Variants in ERICH1 observed in about 807,000 individuals in gnomAD.
ERICH1 encodes the protein glutamate-rich protein 1.
ERICH1 carries 56 observed loss-of-function variants against 39.6 expected under a neutral mutation model. The ratio of observed to expected loss-of-function variants is 1.41; its 90% CI spans 1.14 to 1.77. The LOEUF is 1.77. Ranked by LOEUF, ERICH1 falls within the 40% of genes most tolerant of loss-of-function variation. The probability of loss-of-function intolerance (pLI) is 0.00; values close to 1 mark genes in which losing one functional copy is unlikely to be tolerated. For synonymous variants in ERICH1, 313 were observed against 223.6 expected (o/e 1.40, Z -3.57); for missense variants, 826 against 575.4 (o/e 1.44, Z -4.45).
chr8:704,752 T>G (rs975321467), intron 2 of ERICH1, among the ~76,000 whole-genome samples: 3 of 151,758 alleles, frequency 2.0e-5, no homozygotes, highest in Non-Finnish European at 4.4e-5. Context: ...CTTCCCTCCC[T>G]GCCAAAAAAG....
intron 2 of ERICH1, among the ~76,000 whole-genome samples, chr8:701,970 G>A (rs978492043): frequency 3.3e-5 from 5 of 151,440 alleles, no homozygotes; most frequent in African/African-American, 4.9e-5. Context: ...GGCGCTACTC[G>A]GGAGGCTGAG....
At chr8:685,952 C>CTGGCCAACA (rs71202645) in intron 3 of ERICH1, among the ~76,000 whole-genome samples, 11,302 of 150,424 alleles carry the variant, frequency 0.075, 558 homozygotes, top group African/African-American at 0.13. Context: ...CGAGACCAGC[C>CTGGCCAACA]TGGCCAACAT....
At chr8:689,390 C>A (rs947299642) in intron 3 of ERICH1, among the ~76,000 whole-genome samples, 7 of 152,228 alleles carry the variant, frequency 4.6e-5, no homozygotes, top group African/African-American at 1.4e-4. Context: ...GAATTACAGG[C>A]GTGAGCCACT....
chr8:731,124 C>A lies in ERICH1; in HGVS notation c.22+16G>T, dbSNP rs974577306. On this transcript the variant is annotated intron_variant, in intron 1 of 5. Coordinates refer to ENST00000262109, the MANE Select transcript of ERICH1 (RefSeq NM_207332.3). Reference sequence around the variant, plus strand: ...GGTCTGGGGTCTGGGCAGGCCTCCGCACCGCACCCACCTACCGTGCTTCCT... The same window carrying A: ...GGTCTGGGGTCTGGGCAGGCCTCCGAACCGCACCCACCTACCGTGCTTCCT... 1 of 1,513,104 alleles carries A rather than the reference C, an allele frequency of 6.6e-7. No homozygotes were observed. Among genetic ancestry groups the A allele is most frequent in the Non-Finnish European group, 8.8e-7 (1 of 1,132,434 alleles). 93.7% of individuals were successfully genotyped at this position (1,513,104 alleles called of 1,614,324 possible). A position where few individuals can be genotyped will look rare whatever the true frequency, so the allele number is the denominator to read the frequency against.
intron 3 of ERICH1, among the ~76,000 whole-genome samples, chr8:679,799 A>G (rs1489181711): frequency 6.6e-6 from 1 of 152,216 alleles, no homozygotes; most frequent in Non-Finnish European, 1.5e-5. Context: ...CAGGGAGACA[A>G]CGTGTGCAAG....
chr8:695,398 A>C (rs924721444), intron 2 of ERICH1, among the ~76,000 whole-genome samples: 1 of 152,020 alleles, frequency 6.6e-6, no homozygotes, highest in Non-Finnish European at 1.5e-5. Context: ...CTGTGAGCAA[A>C]ACCTGCATCT....
chr8:637,259 G>A (rs1029920356), intron 3 of ERICH1, among the ~76,000 whole-genome samples: 14 of 152,172 alleles, frequency 9.2e-5, no homozygotes, highest in Middle Eastern at 3.2e-3. Context: ...CCTCGTCCCC[G>A]GCATCCTGCA....
In ERICH1 at chr8:716,044, G is replaced by C. The variant is rs199616348; in HGVS notation, c.23-37C>G. ...ACCGATTAAAAGAAAAGGAGGAAAA[G>C]GAATGAATTATGCAGTTTATCTGAA... On this transcript the variant is annotated intron_variant, in intron 1 of 5. Transcript: ENST00000262109. 1.4e-3 allele frequency: 2,186 copies of C among 1,565,316 alleles called. 2 individuals are homozygous for C. The highest frequency in any genetic ancestry group is 2.2e-3 in the South Asian group (180 of 83,008).
At chr8:643,010 T>TC (rs2117244647) in intron 3 of ERICH1, among the ~76,000 whole-genome samples, 1 of 152,256 alleles carries the variant, frequency 6.6e-6, no homozygotes, top group Admixed American at 6.5e-5. Context: ...ACTGCGGGTT[T>TC]TGCTGGGCCC....
intron 3 of ERICH1, among the ~76,000 whole-genome samples, chr8:682,578 G>T (rs578227815): frequency 6.6e-6 from 1 of 152,360 alleles, no homozygotes; most frequent in Non-Finnish European, 1.5e-5. Context: ...TGAAAGCGAT[G>T]TGAGGGAACC....
intron 3 of ERICH1, among the ~76,000 whole-genome samples, chr8:623,185 A>C (rs1797393826): frequency 6.6e-6 from 1 of 152,186 alleles, no homozygotes; most frequent in African/African-American, 2.4e-5. Flanking sequence ...AACAATGCAT[A>C]AATGGAATTA....
rs142527553 is a variant in ERICH1, at chr8:673,133, T to C, written c.1063+156A>G. Among the ~76,000 whole-genome samples the C allele has an allele frequency of 1.5e-3, 226 of 152,212 alleles. 1 individual carries two copies. The highest frequency in any genetic ancestry group is 5.2e-3 in the African/African-American group (216 of 41,430). On this transcript the variant is annotated intron_variant, in intron 4 of 5. Transcript: ENST00000262109. ...TTTGCCTTATAACTAATTATTTACA[T>C]TGAATATTTTTTACTTATATTAGTT...
intron 2 of ERICH1, among the ~76,000 whole-genome samples, chr8:713,040 A>C (rs985320510): frequency 3.1e-4 from 47 of 152,350 alleles, no homozygotes; most frequent in African/African-American, 1.1e-3. Flanking sequence ...TCATAGTCTC[A>C]GCAGGGCTGG....
chr8:655,999 G>A (rs779375267), intron 3 of ERICH1, among the ~76,000 whole-genome samples: 20 of 151,962 alleles, frequency 1.3e-4, no homozygotes, highest in African/African-American at 1.9e-4. Context: ...TTCAGCCTCC[G>A]CAGATGCTGC....
intron 2 of ERICH1, among the ~76,000 whole-genome samples, chr8:705,369 G>T (rs1265352105): frequency 1.3e-5 from 2 of 152,150 alleles, no homozygotes; most frequent in African/African-American, 2.4e-5. Flanking sequence ...GTTTTTTATT[G>T]TGATTTCATC....
At chr8:631,433 A>G (rs778369861) in intron 3 of ERICH1, among the ~76,000 whole-genome samples, 4 of 151,978 alleles carry the variant, frequency 2.6e-5, no homozygotes, top group Non-Finnish European at 5.9e-5. Flanking sequence ...GCGGGTGAGG[A>G]TGGGGGGATG....
chr8:653,568 C>G (rs1168650041), intron 3 of ERICH1, among the ~76,000 whole-genome samples: 1 of 152,224 alleles, frequency 6.6e-6, no homozygotes, highest in Non-Finnish European at 1.5e-5. Flanking sequence ...CCTGGAGTCT[C>G]TCTGAATCTG....
chr8:687,030 G>T (rs547966401), intron 3 of ERICH1, among the ~76,000 whole-genome samples: 1 of 152,232 alleles, frequency 6.6e-6, no homozygotes, highest in Non-Finnish European at 1.5e-5. Context: ...AAAGGCAAAA[G>T]GCAGAGAGAG....
At chr8:729,229 G>T (rs1484184030) in intron 1 of ERICH1, among the ~76,000 whole-genome samples, 1 of 152,168 alleles carries the variant, frequency 6.6e-6, no homozygotes, top group African/African-American at 2.4e-5. Context: ...TTCTGTGTGG[G>T]GTCTGCTCCA....
Sources: gnomAD v4.1 joint callset for allele counts (sites outside exome capture counted in the v4.1 genomes callset) on GRCh38, gnomAD v4.1.1 for gene constraint, MANE v1.5 for transcripts, NCBI Gene and HGNC (gene_info 2026-07-23, HGNC 2026-07-21) for gene names.